Variants in KIDINS220 observed in about 807,000 individuals in gnomAD.
The protein encoded by KIDINS220 is kinase D interacting substrate 220.
In KIDINS220, 63 loss-of-function variants were observed where a neutral mutation model predicts 157.6. The observed-to-expected ratio is 0.40, with a 90% CI of 0.33 to 0.49. KIDINS220 has a LOEUF of 0.49. KIDINS220 is among the 20% of genes least tolerant of loss of function. The probability of loss-of-function intolerance (pLI) is 0.66; values close to 1 mark genes in which losing one functional copy is unlikely to be tolerated. For missense variants in KIDINS220, 1,772 were observed against 2,171.2 expected, an observed-to-expected ratio of 0.82 and a Z score of 3.65; for synonymous variants, 732 against 783.6, an observed-to-expected ratio of 0.93 and a Z score of 1.10.
At chr2:8,761,523 G>A (rs922966064) in intron 22 of KIDINS220, among the ~76,000 whole-genome samples, 4 of 152,008 alleles carry the variant, frequency 2.6e-5, no homozygotes, top group Admixed American at 1.3e-4. Context: ...GACAAAAGTA[G>A]TACAACACTT....
intron 6 of KIDINS220, among the ~76,000 whole-genome samples, chr2:8,806,689 C>A (rs938558712): frequency 2.0e-5 from 3 of 152,190 alleles, no homozygotes; most frequent in African/African-American, 7.2e-5. Flanking sequence ...AAGCAATTCT[C>A]CTGCCTCAGC....
chr2:8,748,505 C>A (rs1666874208), intron 24 of KIDINS220, among the ~76,000 whole-genome samples: 1 of 152,160 alleles, frequency 6.6e-6, no homozygotes, highest in Non-Finnish European at 1.5e-5. Context: ...CTAGTTTACA[C>A]CCTAGAGTTT....
intron 1 of KIDINS220, among the ~76,000 whole-genome samples, chr2:8,829,259 C>T (rs1679266515): frequency 6.6e-6 from 1 of 152,052 alleles, no homozygotes; most frequent in African/African-American, 2.4e-5. Flanking sequence ...CACAATCATT[C>T]GTTTGTCAAA....
At chr2:8,757,558 A>C in intron 22 of KIDINS220, 1 of 1,497,644 alleles carries the variant, frequency 6.7e-7, no homozygotes, top group East Asian at 2.4e-5. Context: ...TTGTCTCATG[A>C]AGGCCAGTAC....
chr2:8,743,433 AC>A (rs1665905153), intron 26 of KIDINS220, among the ~76,000 whole-genome samples: 3 of 152,188 alleles, frequency 2.0e-5, no homozygotes, highest in Admixed American at 6.5e-5. Flanking sequence ...ATAATGAAGT[AC>A]TTAAAGTATG....
intron 9 of KIDINS220, among the ~76,000 whole-genome samples, chr2:8,799,039 C>T (rs546798982): frequency 6.6e-6 from 1 of 152,180 alleles, no homozygotes; most frequent in East Asian, 1.9e-4. Context: ...AACAGTTTCT[C>T]TTCTAAAAAA....
chr2:8,825,853 A>T (rs1253176437), intron 2 of KIDINS220: 1 of 152,146 alleles, frequency 6.6e-6, no homozygotes, highest in African/African-American at 2.4e-5. Flanking sequence ...TGGGAGGCCT[A>T]GGTGGGTGGA....
chr2:8,835,921 G>A (rs967222781), intron 1 of KIDINS220, among the ~76,000 whole-genome samples: 1 of 152,210 alleles, frequency 6.6e-6, no homozygotes, highest in African/African-American at 2.4e-5. Context: ...ATCTGGCAGT[G>A]TATGTGACCC....
chr2:8,776,495 A>C (rs538342725), intron 21 of KIDINS220, among the ~76,000 whole-genome samples: 2 of 152,354 alleles, frequency 1.3e-5, no homozygotes, highest in Non-Finnish European at 2.9e-5. Flanking sequence ...TAGTGAAAGA[A>C]AAACTTGAAG....
chr2:8,730,491 T>C lies in KIDINS220; in HGVS notation c.*229A>G, dbSNP rs1474513086. On this transcript the variant is annotated 3_prime_UTR_variant, in exon 30 of 30. Transcript: ENST00000256707. ...TGCGCCAATGAAAGGTACAGTAGTA[T>C]TAGTGAGTTCTGAAGCTTCTAATTA... The C allele has an allele frequency of 6.4e-6, 9 of 1,400,314 alleles. No individual in the cohort carries two copies. The African/African-American group carries it at 1.0e-4, about 16-fold the overall frequency. 86.7% of individuals were successfully genotyped at this position (1,400,314 alleles called of 1,614,324 possible). A position where few individuals can be genotyped will look rare whatever the true frequency, so the allele number is the denominator to read the frequency against.
intron 26 of KIDINS220, among the ~76,000 whole-genome samples, chr2:8,743,259 G>A (rs1184152580): frequency 6.6e-6 from 1 of 152,146 alleles, no homozygotes; most frequent in African/African-American, 2.4e-5. Flanking sequence ...GGGCTAAGAA[G>A]CATCAACAGA....
At chr2:8,799,273 ATTTTTT>A (rs57115595) in intron 9 of KIDINS220, among the ~76,000 whole-genome samples, 1 of 146,764 alleles carries the variant, frequency 6.8e-6, no homozygotes. Flanking sequence ...TTCCTTTTCT[ATTTTTT>A]TTTTTTTAAG....
intron 12 of KIDINS220, 107 bp from the exon 13 acceptor site, chr2:8,791,331 T>C (rs914401778): frequency 1.0e-6 from 1 of 979,084 alleles, no homozygotes; most frequent in Non-Finnish European, 1.5e-6. Context: ...TTATTTCAAA[T>C]GTTTATACCC....
intron 1 of KIDINS220, among the ~76,000 whole-genome samples, chr2:8,830,408 C>A (rs1264609661): frequency 6.6e-6 from 1 of 152,082 alleles, no homozygotes; most frequent in African/African-American, 2.4e-5. Context: ...AGCCATCCAG[C>A]CTCAAATCAG....
chr2:8,770,604 GCGT>G, intron 22 of KIDINS220, 63 bp downstream of exon 22: 1 of 800,430 alleles, frequency 1.2e-6, no homozygotes, highest in Non-Finnish European at 1.9e-6. Flanking sequence ...TGCTTTATAC[GCGT>G]TTTTTTTTTT....
chr2:8,833,760 T>C (rs1340129409), intron 1 of KIDINS220, among the ~76,000 whole-genome samples: 1 of 152,222 alleles, frequency 6.6e-6, no homozygotes, highest in African/African-American at 2.4e-5. Context: ...ATTAATGTCT[T>C]GCCACCCGTT....
At chr2:8,799,485 C>T (rs577305911) in intron 9 of KIDINS220, among the ~76,000 whole-genome samples, 1 of 152,214 alleles carries the variant, frequency 6.6e-6, no homozygotes, top group East Asian at 1.9e-4. Context: ...TCAAGTTCTA[C>T]CTTCTTCCAA....
intron 22 of KIDINS220, chr2:8,757,702 T>G: frequency 6.2e-7 from 1 of 1,612,644 alleles, no homozygotes; most frequent in Non-Finnish European, 8.5e-7. Context: ...TAAAATGGCT[T>G]TTCTCAGCTC....
At chr2:8,800,199 C>T (rs1201573008) in intron 9 of KIDINS220, 10 of 460,548 alleles carry the variant, frequency 2.2e-5, no homozygotes, top group Non-Finnish European at 7.6e-6. Context: ...TTTTGGTTTA[C>T]CTCTATCTAC....
Sources: gnomAD v4.1 joint callset for allele counts (sites outside exome capture counted in the v4.1 genomes callset) on GRCh38, gnomAD v4.1.1 for gene constraint, MANE v1.5 for transcripts, NCBI Gene and HGNC (gene_info 2026-07-23, HGNC 2026-07-21) for gene names.